The following IFFO2 variants were observed in gnomAD, a reference collection of about 807,000 sequenced individuals.
IFFO2 encodes intermediate filament family orphan 2.
Under a neutral mutation model 53.5 loss-of-function variants are expected in IFFO2, and 19 were observed. That is an observed-to-expected ratio of 0.36 (90% CI 0.25 to 0.52). The LOEUF (loss-of-function observed/expected upper bound fraction) is 0.52. IFFO2 is among the 20% of genes least tolerant of loss of function. The pLI is 0.94. For missense variants in IFFO2, 570 were observed against 727.4 expected (o/e 0.78, Z 2.49); for synonymous variants, 303 against 313.6 (o/e 0.97, Z 0.36).
At chr1:18,941,655 C>T (rs1463568442) in intron 1 of IFFO2, among the ~76,000 whole-genome samples, 4 of 152,212 alleles carry the variant, frequency 2.6e-5, no homozygotes, top group African/African-American at 9.7e-5. Flanking sequence ...CCTATCTCAG[C>T]CTGCCAGAAT....
chr1:18,935,152 C>T (rs1271992839), intron 1 of IFFO2, among the ~76,000 whole-genome samples: 2 of 152,158 alleles, frequency 1.3e-5, no homozygotes, highest in Non-Finnish European at 2.9e-5. Context: ...TGTTTTGTGC[C>T]TTAGTTTCCT....
intron 1 of IFFO2, among the ~76,000 whole-genome samples, chr1:18,940,963 A>C (rs1235155797): frequency 6.6e-6 from 1 of 152,146 alleles, no homozygotes; most frequent in Non-Finnish European, 1.5e-5. Context: ...TCCCTTTCCA[A>C]AGCTGGGTGC....
chr1:18,951,850 G>C (rs1056649842), intron 1 of IFFO2, among the ~76,000 whole-genome samples: 2 of 152,222 alleles, frequency 1.3e-5, no homozygotes, highest in Non-Finnish European at 2.9e-5. Flanking sequence ...CCAGAACAGA[G>C]AAAGGCTTCA....
chr1:18,941,372 C>A (rs533437453), intron 1 of IFFO2, among the ~76,000 whole-genome samples: 1 of 152,176 alleles, frequency 6.6e-6, no homozygotes, highest in African/African-American at 2.4e-5. Flanking sequence ...GGACTTAAAC[C>A]GGGCAGAAGC....
In IFFO2 at chr1:18,919,822, G is replaced by A. The variant is rs1483601749; in HGVS notation, c.727-49C>T. On this transcript the variant is annotated intron_variant, in intron 2 of 8. Transcript: ENST00000455833. This position sits in a 1 kb window ranked among gnomAD's most constrained non-coding sequence, Gnocchi z 4.9. ...CTTCAGAGGGGCCGGGTCCTCTGGG[G>A]ATAGGAGGGTCTGGACACCTGAGTC... 1.5e-6 allele frequency: 2 copies of A among 1,353,182 alleles called. No homozygotes were observed. Among genetic ancestry groups the A allele is most frequent in the Admixed American group, 3.9e-5 (2 of 50,678 alleles). 83.8% of individuals were successfully genotyped at this position (1,353,182 alleles called of 1,614,324 possible).
intron 6 of IFFO2, 147 bp downstream of exon 6, chr1:18,911,816 G>C (rs943465779): frequency 2.6e-5 from 27 of 1,036,144 alleles, no homozygotes; most frequent in Non-Finnish European, 3.4e-5. Flanking sequence ...TGGGATTACA[G>C]GCATGAGCCA....
intron 1 of IFFO2, among the ~76,000 whole-genome samples, chr1:18,927,061 C>T (rs1456544375): frequency 2.0e-5 from 3 of 152,176 alleles, no homozygotes; most frequent in Admixed American, 6.5e-5. Context: ...CCTCTCTGGG[C>T]CTCAGTTGTC....
chr1:18,914,997 A>T (rs1936110329), intron 5 of IFFO2, among the ~76,000 whole-genome samples: 1 of 152,130 alleles, frequency 6.6e-6, no homozygotes, highest in Non-Finnish European at 1.5e-5. Context: ...AGGTCCAGGA[A>T]GTATCAGGCA....
chr1:18,916,852 G>C lies in IFFO2; in HGVS notation c.1103+51C>G. On this transcript the variant is annotated intron_variant, in intron 5 of 8. Transcript: ENST00000455833. The surrounding 1 kb of genome is among the most constrained non-coding windows in gnomAD (Gnocchi z 4.3). Reference sequence around the variant, plus strand: ...CCCAAGCCTCCCATTCACCGCCCCTGTGCAAGCAATCCGGGGAAACGGAGA... The same window carrying C: ...CCCAAGCCTCCCATTCACCGCCCCTCTGCAAGCAATCCGGGGAAACGGAGA... 6.5e-7 allele frequency: 1 copy of C among 1,545,106 alleles called. No individual in the cohort carries two copies. Among genetic ancestry groups the C allele is most frequent in the Non-Finnish European group, 8.8e-7 (1 of 1,142,182 alleles).
chr1:18,914,024 C>G (rs535437858), intron 5 of IFFO2, among the ~76,000 whole-genome samples: 190 of 152,014 alleles, frequency 1.2e-3, no homozygotes, highest in South Asian at 2.9e-3. Flanking sequence ...GTAGAGACAG[C>G]GTTTCACCGT....
At chr1:18,946,299 C>T (rs1265214322) in intron 1 of IFFO2, among the ~76,000 whole-genome samples, 2 of 152,046 alleles carry the variant, frequency 1.3e-5, no homozygotes, top group Non-Finnish European at 2.9e-5. Flanking sequence ...AAAACTGAGG[C>T]TCAAGCAGGG....
intron 1 of IFFO2, among the ~76,000 whole-genome samples, chr1:18,941,665 T>A (rs751162025): frequency 2.6e-5 from 4 of 152,232 alleles, no homozygotes; most frequent in Non-Finnish European, 5.9e-5. Context: ...CCTGCCAGAA[T>A]GAGCTTGCAT....
At position 18,919,911 on chromosome 1, in the gene IFFO2, G is replaced by T; in HGVS notation, c.727-138C>A. 1 of 620,074 alleles carries T rather than the reference G, an allele frequency of 1.6e-6. No homozygotes were observed. The allele number at this position is 620,074 out of a possible 1,614,324, so 38.4% of individuals were successfully genotyped here. The stretch of plus-strand genomic sequence containing the variant: ...CCTGCAGCCAGGGAAGGGGCACCAA[G>T]GACCTCATCCCAGCCTGACTTCCCA... On this transcript the variant is annotated intron_variant, in intron 2 of 8. Coordinates refer to ENST00000455833, the MANE Select transcript of IFFO2 (RefSeq NM_001136265.2). This position sits in a 1 kb window ranked among gnomAD's most constrained non-coding sequence, Gnocchi z 4.9.
In IFFO2 at chr1:18,907,909, A is replaced by C. The variant is rs558862829; in HGVS notation, c.*652T>G. 1 of 153,446 alleles carries C rather than the reference A, an allele frequency of 6.5e-6. No homozygotes were observed. Among genetic ancestry groups the C allele is most frequent in the South Asian group, 2.0e-4 (1 of 4,908 alleles). 9.5% of individuals were successfully genotyped at this position (153,446 alleles called of 1,614,324 possible). On this transcript the variant is annotated 3_prime_UTR_variant, in exon 9 of 9. Coordinates refer to ENST00000455833, the MANE Select transcript of IFFO2 (RefSeq NM_001136265.2). ...TCCCCTCACAGTGCCTTGTCCCTTC[A>C]ACTTTGCCACTCGATCCCCCCAAAA...
At position 18,910,325 on chromosome 1, in the gene IFFO2, G is replaced by A; in HGVS notation, c.1448+17C>T. On this transcript the variant is annotated intron_variant, in intron 8 of 8. Transcript: ENST00000455833. ...AAGGATGCCATAGCTGAATCCCCTG[G>A]GAGGATGGGCGGGTACCTGTCTGCG... The A allele has an allele frequency of 6.3e-7, 1 of 1,593,074 alleles. No homozygotes were observed. The highest frequency in any genetic ancestry group is 2.3e-5 in the East Asian group (1 of 43,734).
At chr1:18,946,619 A>G (rs999757978) in intron 1 of IFFO2, among the ~76,000 whole-genome samples, 6 of 151,732 alleles carry the variant, frequency 4.0e-5, no homozygotes, top group African/African-American at 1.2e-4. Flanking sequence ...GGGTTTCACC[A>G]TCTTGGCCAG....
intron 5 of IFFO2, among the ~76,000 whole-genome samples, chr1:18,912,539 C>T (rs2100642497): frequency 6.6e-6 from 1 of 152,284 alleles, no homozygotes; most frequent in Admixed American, 6.5e-5. Context: ...TCTAAAGCCA[C>T]ACAGCTAGCA....
chr1:18,941,341 AC>A (rs1936517646), intron 1 of IFFO2, among the ~76,000 whole-genome samples: 1 of 152,094 alleles, frequency 6.6e-6, no homozygotes, highest in East Asian at 1.9e-4. Context: ...CTCGTTTCCC[AC>A]CTTGGGGGGT....
chr1:18,913,823 GT>G (rs10708996), intron 5 of IFFO2, among the ~76,000 whole-genome samples: 71,212 of 151,062 alleles, frequency 0.47, 17,861 homozygotes, highest in South Asian at 0.62. Context: ...TGTTGTTGTT[GT>G]TTTTTTGTTT....
Sources: allele counts gnomAD v4.1 joint callset (sites outside exome capture counted in the v4.1 genomes callset), GRCh38; gene constraint gnomAD v4.1.1; non-coding constraint Gnocchi (gnomAD v3.1); transcripts MANE v1.5; gene names NCBI Gene and HGNC (gene_info 2026-07-23, HGNC 2026-07-21).